The following NEK11 variants were observed in gnomAD, a reference collection of about 807,000 sequenced individuals.
NEK11 encodes the protein NIMA related kinase 11, also known as serine/threonine-protein kinase Nek11.
Under a neutral mutation model 80.7 loss-of-function variants are expected in NEK11, and 72 were observed. The ratio of observed to expected loss-of-function variants is 0.89; its 90% CI spans 0.74 to 1.08. The LOEUF is 1.08. Ranked by LOEUF, NEK11 falls within the 50% of genes least tolerant of loss-of-function variation. The probability of loss-of-function intolerance (pLI) is 0.00; values close to 1 mark genes in which losing one functional copy is unlikely to be tolerated. For synonymous variants in NEK11, 251 were observed against 260.7 expected (o/e 0.96, Z 0.36); for missense variants, 764 against 763.6 (o/e 1.00, Z -0.01).
intron 14 of NEK11, among the ~76,000 whole-genome samples, chr3:131,223,605 G>C (rs941733478): frequency 2.6e-5 from 4 of 152,148 alleles, no homozygotes; most frequent in Non-Finnish European, 5.9e-5. Flanking sequence ...TTTATGTATT[G>C]TCTGTTTTCA....
chr3:131,067,904 G>A (rs114908880), intron 3 of NEK11, among the ~76,000 whole-genome samples: 2,522 of 152,230 alleles, frequency 0.017, 69 homozygotes, highest in African/African-American at 0.057. Flanking sequence ...ATTTTAAAAC[G>A]GACGGTTTTG....
intron 3 of NEK11, among the ~76,000 whole-genome samples, chr3:131,049,835 T>C (rs1263480812): frequency 6.6e-6 from 1 of 152,176 alleles, no homozygotes; most frequent in African/African-American, 2.4e-5. Context: ...TTAAACTATA[T>C]ATCTATGAAT....
chr3:131,045,735 C>G, intron 3 of NEK11, among the ~76,000 whole-genome samples: 1 of 151,794 alleles, frequency 6.6e-6, no homozygotes, highest in Non-Finnish European at 1.5e-5. Context: ...GTGTTGCTGT[C>G]TATCTCATTT....
At chr3:131,078,404 C>G (rs922366265) in intron 3 of NEK11, among the ~76,000 whole-genome samples, 4 of 152,122 alleles carry the variant, frequency 2.6e-5, no homozygotes, top group Non-Finnish European at 5.9e-5. Flanking sequence ...TACTTAGGCT[C>G]TCAGCTTCTA....
chr3:131,201,340 C>T (rs953533630), intron 14 of NEK11, among the ~76,000 whole-genome samples: 48 of 151,758 alleles, frequency 3.2e-4, no homozygotes, highest in Admixed American at 7.9e-4. Flanking sequence ...ATCGGAATGT[C>T]GGTGATGCAT....
chr3:131,067,735 T>C (rs1308717312), intron 3 of NEK11, among the ~76,000 whole-genome samples: 1 of 152,198 alleles, frequency 6.6e-6, no homozygotes, highest in Non-Finnish European at 1.5e-5. Flanking sequence ...TGAGGCTGAG[T>C]ATAAATACAT....
intron 14 of NEK11, among the ~76,000 whole-genome samples, chr3:131,227,680 C>G (rs926557073): frequency 2.0e-5 from 3 of 152,076 alleles, no homozygotes; most frequent in Non-Finnish European, 2.9e-5. Flanking sequence ...TGTTTTGCTG[C>G]AGCTGAGTAT....
intron 16 of NEK11, among the ~76,000 whole-genome samples, chr3:131,262,462 C>T (rs1310272760): frequency 6.6e-6 from 1 of 152,132 alleles, no homozygotes; most frequent in Admixed American, 6.6e-5. Flanking sequence ...ATCATGTTAT[C>T]CGCAAATTGA....
At chr3:131,275,444 T>G (rs60162068) in intron 17 of NEK11, among the ~76,000 whole-genome samples, 6 of 152,198 alleles carry the variant, frequency 3.9e-5, no homozygotes, top group Admixed American at 6.5e-5. Context: ...CCAAGATGCA[T>G]TCTAATGATT....
intron 4 of NEK11, among the ~76,000 whole-genome samples, chr3:131,084,210 A>G (rs1317162206): frequency 6.6e-6 from 1 of 152,212 alleles, no homozygotes; most frequent in Non-Finnish European, 1.5e-5. Flanking sequence ...TTTACATCAT[A>G]TGAGCCATGT....
intron 15 of NEK11, among the ~76,000 whole-genome samples, chr3:131,242,970 C>A (rs2095541436): frequency 6.6e-6 from 1 of 152,028 alleles, no homozygotes; most frequent in Non-Finnish European, 1.5e-5. Context: ...CCTTGAAGAC[C>A]ATACATTTCC....
intron 16 of NEK11, among the ~76,000 whole-genome samples, chr3:131,253,390 A>G (rs1352086887): frequency 6.6e-6 from 1 of 152,132 alleles, no homozygotes. Context: ...GGAGAAAGAA[A>G]GAGGGAAGAA....
chr3:131,341,559 C>A (rs953420310), intron 17 of NEK11, among the ~76,000 whole-genome samples: 3 of 152,134 alleles, frequency 2.0e-5, no homozygotes, highest in Admixed American at 1.3e-4. Flanking sequence ...TCTATCATTA[C>A]TAATATTTTG....
chr3:131,134,689 G>A (rs1366943011), intron 7 of NEK11, among the ~76,000 whole-genome samples: 8 of 152,068 alleles, frequency 5.3e-5, no homozygotes, highest in Admixed American at 6.6e-5. Context: ...GTGAGCCACC[G>A]CGCCCAGACT....
chr3:131,084,285 A>G (rs909095799), intron 4 of NEK11, among the ~76,000 whole-genome samples: 1 of 152,238 alleles, frequency 6.6e-6, no homozygotes. Context: ...GTGGACCCAC[A>G]TAGTGAACCA....
chr3:131,304,073 C>T (rs2096695260), intron 17 of NEK11, among the ~76,000 whole-genome samples: 1 of 152,164 alleles, frequency 6.6e-6, no homozygotes, highest in African/African-American at 2.4e-5. Flanking sequence ...GATTTGGTCT[C>T]TTTACATAAT....
intron 3 of NEK11, among the ~76,000 whole-genome samples, chr3:131,069,866 T>A (rs577742066): frequency 6.6e-6 from 1 of 150,854 alleles, no homozygotes; most frequent in South Asian, 2.1e-4. Flanking sequence ...TTGGGAGATA[T>A]ACCTAATGCT....
At chr3:131,204,978 T>C (rs1471745334) in intron 14 of NEK11, among the ~76,000 whole-genome samples, 2 of 152,072 alleles carry the variant, frequency 1.3e-5, no homozygotes, top group African/African-American at 4.8e-5. Context: ...AAACATGAGT[T>C]ATAGTTCAAT....
At position 131,300,617 on chromosome 3, in the gene NEK11, C is replaced by G. The variant is rs565769013; in HGVS notation, c.1718+27043C>G. ...GCATATGGCTAGCCAGTTATCCCAA[C>G]ACCATTTATTGAATAGGAAGTCTTT... is the stretch of plus-strand genomic sequence containing the variant. On this transcript the variant is annotated intron_variant, in intron 17 of 17. Coordinates refer to ENST00000383366, the MANE Select transcript of NEK11 (RefSeq NM_024800.5). 1.6e-3 allele frequency among the ~76,000 whole-genome samples: 245 copies of G among 152,286 alleles called. 1 individual carries two copies. Among genetic ancestry groups the G allele is most frequent in the Non-Finnish European group, 2.6e-3 (178 of 68,016 alleles).
Sources: gnomAD v4.1 joint callset for allele counts (sites outside exome capture counted in the v4.1 genomes callset) on GRCh38, gnomAD v4.1.1 for gene constraint, MANE v1.5 for transcripts, NCBI Gene and HGNC (gene_info 2026-07-23, HGNC 2026-07-21) for gene names.